SPATA13: variants seen among roughly 807,000 people sequenced by gnomAD.
SPATA13 encodes the protein spermatogenesis associated 13.
Under a neutral mutation model 104.0 loss-of-function variants are expected in SPATA13, and 50 were observed. The observed-to-expected ratio is 0.48, with a 90% CI of 0.38 to 0.61. The LOEUF (loss-of-function observed/expected upper bound fraction) is 0.61. SPATA13 is among the 20% of genes least tolerant of loss of function. The probability of loss-of-function intolerance (pLI) is 0.00; values close to 1 mark genes in which losing one functional copy is unlikely to be tolerated. For missense variants in SPATA13, 1,524 were observed against 1,690.6 expected (o/e 0.90, Z 1.73); for synonymous variants, 606 against 667.5 (o/e 0.91, Z 1.42).
chr13:24,028,800 G>A (rs1877348490), intron 3 of SPATA13, among the ~76,000 whole-genome samples: 1 of 151,942 alleles, frequency 6.6e-6, no homozygotes, highest in African/African-American at 2.4e-5. Flanking sequence ...TTTAACTGTT[G>A]CTTTGAGTTT....
intron 3 of SPATA13, among the ~76,000 whole-genome samples, chr13:24,101,178 T>C (rs1028190044): frequency 6.6e-6 from 1 of 152,212 alleles, no homozygotes; most frequent in Admixed American, 6.5e-5. Context: ...GCTCCTCTAC[T>C]GTTCTCATCT....
At chr13:24,046,742 C>T (rs1259252964) in intron 3 of SPATA13, among the ~76,000 whole-genome samples, 1 of 151,820 alleles carries the variant, frequency 6.6e-6, no homozygotes, top group Non-Finnish European at 1.5e-5. Context: ...CTTATATGAA[C>T]ATTCTTGTAC....
intron 4 of SPATA13, chr13:24,270,742 C>A (rs1225853269): frequency 3.2e-6 from 5 of 1,565,372 alleles, no homozygotes; most frequent in Non-Finnish European, 3.5e-6. Context: ...AGTGAATAAG[C>A]GATTTCTGCA....
At chr13:24,074,597 G>A (rs1365130295) in intron 3 of SPATA13, among the ~76,000 whole-genome samples, 1 of 151,670 alleles carries the variant, frequency 6.6e-6, no homozygotes, top group Non-Finnish European at 1.5e-5. Context: ...TGAGTTAGGA[G>A]TTATTATTAT....
intron 4 of SPATA13, among the ~76,000 whole-genome samples, chr13:24,280,664 G>A (rs58132107): frequency 0.012 from 1,895 of 152,162 alleles, 38 homozygotes; most frequent in African/African-American, 0.043. Context: ...GGATATCTCG[G>A]CCAGTAAGCA....
chr13:24,115,091 G>A (rs1368509876), intron 3 of SPATA13, among the ~76,000 whole-genome samples: 2 of 152,184 alleles, frequency 1.3e-5, no homozygotes, highest in Non-Finnish European at 2.9e-5. Flanking sequence ...CAGAGAAGAG[G>A]AAGTGACCGT....
At position 24,297,448 on chromosome 13, in the gene SPATA13, G is replaced by C; in HGVS notation, c.3296G>C (p.Arg1099Pro). 6.2e-7 allele frequency: 1 copy of C among 1,614,172 alleles called. No homozygotes were observed. The highest frequency in any genetic ancestry group is 8.5e-7 in the Non-Finnish European group (1 of 1,180,036). Residue 1099 changes from arginine to proline, a missense_variant, in exon 11 of 13, where the codon CGG becomes CCG. By Grantham distance (103) the Arg-to-Pro change is moderately radical. Coordinates refer to ENST00000382108, the MANE Select transcript of SPATA13 (RefSeq NM_001166271.3). ...KITKQGKSQQ[R>P]TFFLFDHQLV... Reference sequence around the variant, plus strand: ...ACTAAGCAAGGCAAAAGCCAGCAGCGGACGTTCTTCCTGTTTGACCACCAG... The same window carrying C: ...ACTAAGCAAGGCAAAAGCCAGCAGCCGACGTTCTTCCTGTTTGACCACCAG...
intron 3 of SPATA13, among the ~76,000 whole-genome samples, chr13:24,029,885 C>G (rs979323698): frequency 6.6e-6 from 1 of 152,068 alleles, no homozygotes; most frequent in African/African-American, 2.4e-5. Flanking sequence ...ATTTGGTTAT[C>G]TCTTCCTAAG....
rs537014029 is a variant in SPATA13, at chr13:24,206,499, T to C, written c.-111-16320T>C. ...TTAGTTCAGCCCTTGTGGAAAACAG[T>C]GTGGTGATTCCTCAGTGATCTAGAA... On this transcript the variant is annotated intron_variant, in intron 1 of 12. Coordinates refer to ENST00000382108, the MANE Select transcript of SPATA13 (RefSeq NM_001166271.3). Among the ~76,000 whole-genome samples the C allele has an allele frequency of 9.2e-5, 14 of 152,328 alleles. 1 individual carries two copies. In the South Asian group the frequency reaches 2.9e-3, roughly 32 times the overall value.
chr13:24,241,052 TC>T, intron 2 of SPATA13, among the ~76,000 whole-genome samples: 1 of 152,314 alleles, frequency 6.6e-6, no homozygotes, highest in Middle Eastern at 3.4e-3. Context: ...GTCACCCCAT[TC>T]CGTAGTAATT....
At chr13:24,218,449 C>A (rs866408391) in intron 1 of SPATA13, among the ~76,000 whole-genome samples, 3 of 152,114 alleles carry the variant, frequency 2.0e-5, no homozygotes, top group African/African-American at 7.2e-5. Context: ...AGCTACTCAG[C>A]CTCACTGGGC....
At chr13:24,073,925 C>T (rs549765979) in intron 3 of SPATA13, among the ~76,000 whole-genome samples, 13 of 152,336 alleles carry the variant, frequency 8.5e-5, no homozygotes, top group African/African-American at 2.6e-4. Flanking sequence ...GATGTGCAGC[C>T]TTGCACACCA....
intron 4 of SPATA13, among the ~76,000 whole-genome samples, chr13:24,259,097 G>A (rs925575426): frequency 3.9e-5 from 6 of 152,200 alleles, no homozygotes; most frequent in African/African-American, 1.4e-4. Context: ...GCTGGGTGCT[G>A]GGCCTCCCAA....
intron 3 of SPATA13, among the ~76,000 whole-genome samples, chr13:24,059,140 T>G (rs1332951270): frequency 6.6e-6 from 1 of 151,438 alleles, no homozygotes; most frequent in East Asian, 1.9e-4. Flanking sequence ...TCCTGCTAAT[T>G]TTTTGTATTT....
At chr13:24,252,580 ATTG>A (rs1873555051) in intron 4 of SPATA13, among the ~76,000 whole-genome samples, 1 of 152,190 alleles carries the variant, frequency 6.6e-6, no homozygotes, top group Non-Finnish European at 1.5e-5. Context: ...TAACAGTAGC[ATTG>A]TTAGGGTGGT....
intron 3 of SPATA13, among the ~76,000 whole-genome samples, chr13:24,144,451 T>C (rs1429247290): frequency 6.6e-6 from 1 of 152,168 alleles, no homozygotes; most frequent in Non-Finnish European, 1.5e-5. Flanking sequence ...CTAGGCCAGG[T>C]GCTACCCAAA....
intron 4 of SPATA13, among the ~76,000 whole-genome samples, chr13:24,267,417 C>T (rs759705472): frequency 6.6e-5 from 10 of 152,154 alleles, no homozygotes; most frequent in African/African-American, 1.9e-4. Flanking sequence ...ATGCCTCTGG[C>T]TTAAGATCCT....
chr13:24,212,970 C>T (rs74040433), intron 1 of SPATA13, among the ~76,000 whole-genome samples: 1,725 of 152,340 alleles, frequency 0.011, 30 homozygotes, highest in African/African-American at 0.038. Flanking sequence ...AGGAGCTGAC[C>T]TTGGAGCGGG....
chr13:23,988,292 A>G (rs114328981), intron 2 of SPATA13, among the ~76,000 whole-genome samples: 437 of 152,324 alleles, frequency 2.9e-3, no homozygotes, highest in African/African-American at 1.0e-2. Flanking sequence ...TAATGTGTAT[A>G]TACCACATTT....
Sources: allele counts gnomAD v4.1 joint callset (sites outside exome capture counted in the v4.1 genomes callset), GRCh38; gene constraint gnomAD v4.1.1; transcripts MANE v1.5; gene names NCBI Gene and HGNC (gene_info 2026-07-23, HGNC 2026-07-21).